Variants in TBCD observed in about 807,000 individuals in gnomAD.
TBCD encodes tubulin folding cofactor D.
Under a neutral mutation model 169.3 loss-of-function variants are expected in TBCD, and 105 were observed. The ratio of observed to expected loss-of-function variants is 0.62; its 90% CI spans 0.53 to 0.73. TBCD has a LOEUF of 0.73. Among genes scored for constraint, TBCD ranks in the 30% least tolerant of loss-of-function variants. TBCD has a pLI of 0.00. For synonymous variants in TBCD, 700 were observed against 643.9 expected (o/e 1.09, Z -1.32); for missense variants, 1,444 against 1,600.1 (o/e 0.90, Z 1.66).
At chr17:82,798,348 G>A (rs558526238) in intron 8 of TBCD, among the ~76,000 whole-genome samples, 12 of 152,064 alleles carry the variant, frequency 7.9e-5, no homozygotes, top group South Asian at 2.1e-4. Flanking sequence ...GGGTTTCACC[G>A]TGTTAGCCAG....
intron 14 of TBCD, chr17:82,876,970 G>A (rs757014370): frequency 1.2e-4 from 116 of 985,328 alleles, no homozygotes; most frequent in Non-Finnish European, 1.3e-4. Context: ...TAACCTTAGA[G>A]GGTTAGACTT....
chr17:82,824,294 G>T (rs2052655662), intron 13 of TBCD, among the ~76,000 whole-genome samples: 1 of 151,740 alleles, frequency 6.6e-6, no homozygotes, highest in African/African-American at 2.4e-5. Context: ...CCATTCTCCT[G>T]CCTCAGCCTC....
intron 2 of TBCD, among the ~76,000 whole-genome samples, chr17:82,762,315 CAAAAAAAAAA>C (rs35386796): frequency 1.1e-5 from 1 of 91,452 alleles, no homozygotes; most frequent in African/African-American, 4.3e-5. Context: ...GACTCCGTCT[CAAAAAAAAAA>C]AAAAAAAAAG....
intron 13 of TBCD, among the ~76,000 whole-genome samples, chr17:82,823,456 T>TGTTCTTTTTTTGAACAATATG: frequency 1.3e-5 from 2 of 152,348 alleles, no homozygotes; most frequent in African/African-American, 4.8e-5. Flanking sequence ...GTGGACCGAT[T>TGTTCTTTTTTTGAACAATATG]GTTCTTTTTT....
chr17:82,758,660 T>G (rs113204295), intron 2 of TBCD, among the ~76,000 whole-genome samples: 14 of 145,476 alleles, frequency 9.6e-5, no homozygotes, highest in East Asian at 5.9e-4. Context: ...TTTTTTTTTT[T>G]CTTTTTTTTT....
At chr17:82,805,308 C>T (rs2050877436) in intron 9 of TBCD, among the ~76,000 whole-genome samples, 1 of 152,200 alleles carries the variant, frequency 6.6e-6, no homozygotes, top group South Asian at 2.1e-4. Context: ...GAGCCAGGTC[C>T]CAGGGTCTGT....
intron 7 of TBCD, among the ~76,000 whole-genome samples, chr17:82,790,447 G>A (rs2049630910): frequency 6.6e-6 from 1 of 152,218 alleles, no homozygotes; most frequent in Admixed American, 6.5e-5. Context: ...CTCGGAAGCA[G>A]GAGGGCTCAG....
chr17:82,852,020 A>G (rs2055834567), intron 13 of TBCD, among the ~76,000 whole-genome samples: 1 of 152,210 alleles, frequency 6.6e-6, no homozygotes, highest in African/African-American at 2.4e-5. Context: ...CATGCCATTC[A>G]GTTCTGTCAT....
intron 14 of TBCD, among the ~76,000 whole-genome samples, chr17:82,876,303 G>A (rs58298483): frequency 0.051 from 7,689 of 152,252 alleles, 290 homozygotes; most frequent in East Asian, 0.13. Context: ...CTTCTCCAGC[G>A]AAAGCAAACG....
chr17:82,811,935 C>T (rs1478271226), intron 12 of TBCD, among the ~76,000 whole-genome samples: 10 of 152,138 alleles, frequency 6.6e-5, no homozygotes, highest in Admixed American at 6.5e-4. Flanking sequence ...ACTTACTCCC[C>T]GCTCCTTTCC....
intron 2 of TBCD, among the ~76,000 whole-genome samples, chr17:82,758,682 G>C (rs1377244115): frequency 1.1e-5 from 1 of 87,980 alleles, no homozygotes; most frequent in African/African-American, 4.9e-5. Flanking sequence ...TTTTTTTTGA[G>C]ATGTAGTCTC....
rs747984483 is a variant in TBCD, at chr17:82,829,686, T to C, written c.1318+14752T>C. The stretch of plus-strand genomic sequence containing the variant: ...TTGATGTTTGTGTGTTATTTAGTTA[T>C]ACAAATCACATTTTTCTTTTTTACA... On this transcript the variant is annotated intron_variant, in intron 13 of 38. Transcript: ENST00000355528. The C allele has an allele frequency of 8.0e-4, 142 of 176,776 alleles. 1 individual carries two copies. Among genetic ancestry groups the C allele is most frequent in the Non-Finnish European group, 1.4e-3 (112 of 81,474 alleles). The allele number at this position is 176,776 out of a possible 1,614,324, so 11.0% of individuals were successfully genotyped here.
At chr17:82,791,068 G>A (rs1598510099) in intron 7 of TBCD, among the ~76,000 whole-genome samples, 1 of 150,866 alleles carries the variant, frequency 6.6e-6, no homozygotes, top group Admixed American at 6.6e-5. Context: ...GGCTTTCTGT[G>A]GCAGGAATTG....
rs540955518 is a variant in TBCD, at chr17:82,943,496, C to G, written c.*1033C>G. 6.6e-6 allele frequency: 1 copy of G among 152,230 alleles called. No individual in the cohort carries two copies. The highest frequency in any genetic ancestry group is 1.5e-5 in the Non-Finnish European group (1 of 68,098). The allele number at this position is 152,230 out of a possible 1,614,324, so 9.4% of individuals were successfully genotyped here. On this transcript the variant is annotated 3_prime_UTR_variant, in exon 39 of 39. Coordinates refer to ENST00000355528, the MANE Select transcript of TBCD (RefSeq NM_005993.5). Reference sequence around the variant, plus strand: ...GTGAGGAGCCCAGGGGTGCCATGTGCGTGGTGTAGATTAGGGTGGCTCCCT... The same window carrying G: ...GTGAGGAGCCCAGGGGTGCCATGTGGGTGGTGTAGATTAGGGTGGCTCCCT...
At chr17:82,911,924 G>A in intron 23 of TBCD, 135 bp downstream of exon 23, 1 of 847,870 alleles carries the variant, frequency 1.2e-6, no homozygotes, top group Non-Finnish European at 1.9e-6. Flanking sequence ...TGTGGAGGCG[G>A]CATCTGTGAT....
rs137925062 is a variant in TBCD, at chr17:82,939,268, G to A, written c.3370-99G>A. 1,454 of 917,410 alleles carry A rather than the reference G, an allele frequency of 1.6e-3. 10 individuals are homozygous for A. The highest frequency in any genetic ancestry group is 6.0e-3 in the African/African-American group (368 of 61,234). 56.8% of individuals were successfully genotyped at this position (917,410 alleles called of 1,614,324 possible). ...GCAGGGTCAGCGTCCTCCTCCTGAC[G>A]CCTTCCACTGACGGGGCTCCCTGGC... On this transcript the variant is annotated intron_variant, in intron 36 of 38. Transcript: ENST00000355528.
rs989377601 is a variant in TBCD at position 82,925,085 on chromosome 17, G to A, written c.2379+28G>A. On this transcript the variant is annotated intron_variant, in intron 27 of 38. Transcript: ENST00000355528. ...GAGGCTGGCCACGCGCAGTGGACGG[G>A]GCCTAGGGCGAGGGTGTGGGAGCCT... 8 of 1,524,162 alleles carry A rather than the reference G, an allele frequency of 5.2e-6. No homozygotes were observed. In the African/African-American group the frequency reaches 8.3e-5, roughly 16 times the overall value. The allele number at this position is 1,524,162 out of a possible 1,614,324, so 94.4% of individuals were successfully genotyped here.
rs945798348 is a variant in TBCD, at chr17:82,923,808, A to G, written c.2260+75A>G. On this transcript the variant is annotated intron_variant, in intron 26 of 38. Coordinates refer to ENST00000355528, the MANE Select transcript of TBCD (RefSeq NM_005993.5). The surrounding 1 kb of genome is among the most constrained non-coding windows in gnomAD (Gnocchi z 4.6). ...GCTGCTGGGGAGTGTCTGGGCACGG[A>G]GGAGGCCTCGGTTGTGCAGTGGAGC... 6.9e-6 allele frequency: 9 copies of G among 1,300,602 alleles called. No homozygotes were observed. The highest frequency in any genetic ancestry group is 9.6e-6 in the Non-Finnish European group (9 of 934,872). 80.6% of individuals were successfully genotyped at this position (1,300,602 alleles called of 1,614,324 possible).
At chr17:82,801,598 G>C (rs1360429629) in intron 9 of TBCD, among the ~76,000 whole-genome samples, 3 of 143,542 alleles carry the variant, frequency 2.1e-5, no homozygotes, top group Middle Eastern at 3.8e-3. Flanking sequence ...AGCGTGGCAG[G>C]AGGGTGGCGT....
Sources: allele counts gnomAD v4.1 joint callset (sites outside exome capture counted in the v4.1 genomes callset), GRCh38; gene constraint gnomAD v4.1.1; non-coding constraint Gnocchi (gnomAD v3.1); transcripts MANE v1.5; gene names NCBI Gene and HGNC (gene_info 2026-07-23, HGNC 2026-07-21).